ASIC2: variants seen among roughly 807,000 people sequenced by gnomAD.
ASIC2 encodes the protein acid sensing ion channel subunit 2.
ASIC2 carries 25 observed loss-of-function variants against 57.3 expected under a neutral mutation model. The ratio of observed to expected loss-of-function variants is 0.44; its 90% CI spans 0.32 to 0.61. The LOEUF (loss-of-function observed/expected upper bound fraction) is 0.61, where lower values mean the gene tolerates loss of function less well. Ranked by LOEUF, ASIC2 falls within the 20% of genes least tolerant of loss-of-function variation. The pLI is 0.06. For missense variants in ASIC2, 641 were observed against 738.1 expected (o/e 0.87, Z 1.52); for synonymous variants, 319 against 307.5 (o/e 1.04, Z -0.39).
chr17:34,144,857 G>A (rs1426424797), intron 1 of ASIC2, among the ~76,000 whole-genome samples: 1 of 152,180 alleles, frequency 6.6e-6, no homozygotes, highest in East Asian at 1.9e-4. Context: ...TCTGTTATCA[G>A]TGCTCCTGGG....
intron 1 of ASIC2, among the ~76,000 whole-genome samples, chr17:33,359,238 A>G (rs549784141): frequency 5.6e-4 from 86 of 152,332 alleles, no homozygotes; most frequent in African/African-American, 2.0e-3. Flanking sequence ...CATGATCCAA[A>G]CACAAATTAA....
chr17:33,365,667 C>G (rs1908780509), intron 1 of ASIC2, among the ~76,000 whole-genome samples: 1 of 151,966 alleles, frequency 6.6e-6, no homozygotes, highest in Non-Finnish European at 1.5e-5. Context: ...GGGGATGTCA[C>G]TTCTTCTTCC....
chr17:33,798,515 A>G (rs2142142341), intron 1 of ASIC2, among the ~76,000 whole-genome samples: 1 of 152,294 alleles, frequency 6.6e-6, no homozygotes, highest in Non-Finnish European at 1.5e-5. Flanking sequence ...TGTTCATCCA[A>G]TTAGCACAAA....
Position 33,273,175 on chromosome 17 carries a change from CT to C in ASIC2, c.708+18232del, listed in dbSNP as rs1198911159. ...AAAGCTTAAGGTGAGTTTAGGAGGA[CT>C]TTTTTTGGTTGGTTAAAGAAAAAAA... On this transcript the variant is annotated intron_variant, in intron 1 of 9. Transcript: ENST00000225823. Among the ~76,000 whole-genome samples, 6 of 151,962 alleles carry C rather than the reference CT, an allele frequency of 3.9e-5. No homozygotes were observed. The East Asian group carries it at 9.6e-4, about 24-fold the overall frequency.
Position 33,388,869 on chromosome 17 carries a change from A to G in ASIC2, c.556-276802T>C, listed in dbSNP as rs186063894. 3.3e-5 allele frequency among the ~76,000 whole-genome samples: 5 copies of G among 152,286 alleles called. No individual in the cohort carries two copies. The East Asian group carries it at 5.8e-4, about 18-fold the overall frequency. ...AACCCAGCAATCCAGGCTGCTTCCA[A>G]CTTGCAAGACCTCCATCTCAATTCA... On this transcript the variant is annotated intron_variant, in intron 1 of 9. Coordinates refer to the ASIC2 transcript ENST00000359872.
intron 1 of ASIC2, among the ~76,000 whole-genome samples, chr17:33,583,066 G>A (rs970178698): frequency 2.0e-5 from 3 of 152,194 alleles, no homozygotes; most frequent in Non-Finnish European, 4.4e-5. Flanking sequence ...CTTCTACAAA[G>A]GCTCATTGAA....
intron 1 of ASIC2, among the ~76,000 whole-genome samples, chr17:33,255,599 A>AC (rs971169908): frequency 1.8e-5 from 2 of 112,414 alleles, no homozygotes; most frequent in African/African-American, 6.9e-5. Flanking sequence ...GATCGGAGGG[A>AC]CGGGGGGGTG....
chr17:33,657,757 T>TTA lies in ASIC2; in HGVS notation c.555+498220_555+498221insTA, dbSNP rs1555550154. ...TGCCTCAGACACCTTTGGCAGTTTC[T>TTA]AAAAAAAAAAAAAAAAAAAAAAGTC... On this transcript the variant is annotated intron_variant, in intron 1 of 9. Coordinates refer to the ASIC2 transcript ENST00000359872. 4.4e-3 allele frequency among the ~76,000 whole-genome samples: 451 copies of TTA among 103,472 alleles called. 4 individuals are homozygous for TTA. The highest frequency in any genetic ancestry group is 0.014 in the African/African-American group (381 of 27,866). 67.9% of individuals were successfully genotyped at this position (103,472 alleles called of 152,430 possible). A position where few individuals can be genotyped will look rare whatever the true frequency, so the allele number is the denominator to read the frequency against.
At chr17:33,810,297 TG>T (rs1355862889) in intron 1 of ASIC2, among the ~76,000 whole-genome samples, 1 of 152,156 alleles carries the variant, frequency 6.6e-6, no homozygotes, top group Non-Finnish European at 1.5e-5. Flanking sequence ...CAAGAGCAAT[TG>T]TATCAGTCTA....
At chr17:33,100,286 T>A (rs963513748) in intron 2 of ASIC2, 11 of 152,312 alleles carry the variant, frequency 7.2e-5, no homozygotes, top group Admixed American at 5.2e-4. Flanking sequence ...CCAGGTCTCA[T>A]CCTTAGATAC....
intron 1 of ASIC2, among the ~76,000 whole-genome samples, chr17:33,999,830 G>A (rs1325135860): frequency 6.6e-6 from 1 of 152,014 alleles, no homozygotes; most frequent in Non-Finnish European, 1.5e-5. Flanking sequence ...TCAGGATTTA[G>A]CTATATTTTT....
At chr17:33,058,165 T>A (rs1018751406) in intron 3 of ASIC2, among the ~76,000 whole-genome samples, 11 of 152,172 alleles carry the variant, frequency 7.2e-5, no homozygotes, top group African/African-American at 2.4e-4. Context: ...ATTGAACTTT[T>A]ACAGAGTATT....
At chr17:33,956,120 G>T (rs1249871002) in intron 1 of ASIC2, among the ~76,000 whole-genome samples, 1 of 152,040 alleles carries the variant, frequency 6.6e-6, no homozygotes, top group Non-Finnish European at 1.5e-5. Context: ...AATAGCTAAT[G>T]AATTGAAAAA....
chr17:33,013,482 C>T lies in ASIC2; in HGVS notation c.*483G>A, dbSNP rs1639666960. 1 of 156,918 alleles carries T rather than the reference C, an allele frequency of 6.4e-6. No individual in the cohort carries two copies. Among genetic ancestry groups the T allele is most frequent in the Non-Finnish European group, 1.4e-5 (1 of 70,336 alleles). The allele number at this position is 156,918 out of a possible 1,614,324, so 9.7% of individuals were successfully genotyped here. A position where few individuals can be genotyped will look rare whatever the true frequency, so the allele number is the denominator to read the frequency against. On this transcript the variant is annotated 3_prime_UTR_variant, in exon 10 of 10. Coordinates refer to ENST00000225823, the MANE Select transcript of ASIC2 (RefSeq NM_183377.2). ...GCAGGTTAAGAACTTTCACAAACGA[C>T]ACAAGAACTGAATGTAGCAGAGAGT... is the stretch of plus-strand genomic sequence containing the variant.
At chr17:33,137,013 G>C (rs192953465) in intron 1 of ASIC2, among the ~76,000 whole-genome samples, 1 of 152,304 alleles carries the variant, frequency 6.6e-6, no homozygotes, top group Admixed American at 6.5e-5. Context: ...TCACAGGACT[G>C]CTATGACAGT....
rs548902107 is a variant in ASIC2 at position 34,100,072 on chromosome 17, C to T, written c.555+55906G>A. On this transcript the variant is annotated intron_variant, in intron 1 of 9. Coordinates refer to the ASIC2 transcript ENST00000359872. ...GGCCACATTCTCTCACCCCAGGAACCGCAAACACATTGTCCCTGCAGACCA... is the reference window on the plus strand; with the variant it reads ...GGCCACATTCTCTCACCCCAGGAACTGCAAACACATTGTCCCTGCAGACCA... Among the ~76,000 whole-genome samples, 4 of 152,240 alleles carry T rather than the reference C, an allele frequency of 2.6e-5. No homozygotes were observed. The East Asian group carries it at 5.8e-4, about 22-fold the overall frequency.
intron 1 of ASIC2, among the ~76,000 whole-genome samples, chr17:33,119,090 G>A (rs1344607110): frequency 1.3e-5 from 2 of 152,126 alleles, no homozygotes; most frequent in East Asian, 1.9e-4. Context: ...AATAAATTAT[G>A]TATAAGCCCC....
intron 1 of ASIC2, among the ~76,000 whole-genome samples, chr17:33,636,619 G>T (rs1906375731): frequency 6.6e-6 from 1 of 152,158 alleles, no homozygotes; most frequent in Non-Finnish European, 1.5e-5. Context: ...ATGTCTCTGG[G>T]CTGCTTTCCG....
At chr17:33,940,466 G>A (rs1004742597) in intron 1 of ASIC2, among the ~76,000 whole-genome samples, 2 of 152,138 alleles carry the variant, frequency 1.3e-5, no homozygotes, top group Non-Finnish European at 2.9e-5. Context: ...TGGATAAATT[G>A]CACTGTGGTT....
Sources: allele counts gnomAD v4.1 joint callset (sites outside exome capture counted in the v4.1 genomes callset), GRCh38; gene constraint gnomAD v4.1.1; transcripts MANE v1.5; gene names NCBI Gene and HGNC (gene_info 2026-07-23, HGNC 2026-07-21).